The following BRINP2 variants were observed in gnomAD, a reference collection of about 807,000 sequenced individuals.
BRINP2 encodes BMP/retinoic acid inducible neural specific 2.
In BRINP2, 21 loss-of-function variants were observed where a neutral mutation model predicts 69.2. The ratio of observed to expected loss-of-function variants is 0.30; its 90% CI spans 0.22 to 0.44. The LOEUF (loss-of-function observed/expected upper bound fraction) is 0.44. Among genes scored for constraint, BRINP2 ranks in the 20% least tolerant of loss-of-function variants. The pLI is 1.00. For synonymous variants in BRINP2, 380 were observed against 394.1 expected, an observed-to-expected ratio of 0.96 and a Z score of 0.42; for missense variants, 877 against 986.0, an observed-to-expected ratio of 0.89 and a Z score of 1.48.
chr1:177,260,055 C>T (rs1221125603), intron 4 of BRINP2, among the ~76,000 whole-genome samples: 1 of 152,126 alleles, frequency 6.6e-6, no homozygotes, highest in Admixed American at 6.5e-5. Context: ...AATTGAAAAT[C>T]ATTTAGAAAT....
rs372582257 is a variant in BRINP2 at position 177,278,799 on chromosome 1, G to T, written c.1235+14G>T. ...GCCCAAGGAGAGGTGAGCACCCCCT[G>T]GCTGCTACAGCCAGAGCTCAGCACC... On this transcript the variant is annotated intron_variant, in intron 7 of 7. Transcript: ENST00000361539. The T allele has an allele frequency of 6.2e-7, 1 of 1,612,854 alleles. No homozygotes were observed. The highest frequency in any genetic ancestry group is 1.7e-5 in the Admixed American group (1 of 60,018).
At chr1:177,255,885 TCAGCTTTTCC>T in intron 2 of BRINP2, 24 bp from the exon 3 acceptor site, 1 of 1,601,500 alleles carries the variant, frequency 6.2e-7, no homozygotes, top group South Asian at 1.1e-5. Context: ...TGAAACGAGG[TCAGCTTTTCC>T]TTATCCCTTG....
intron 4 of BRINP2, among the ~76,000 whole-genome samples, chr1:177,266,402 G>T (rs1214926939): frequency 6.6e-6 from 1 of 151,894 alleles, no homozygotes; most frequent in African/African-American, 2.4e-5. Flanking sequence ...CTTGCTGTTT[G>T]CTTTACTTGT....
intron 1 of BRINP2, among the ~76,000 whole-genome samples, chr1:177,177,686 A>G (rs1169619929): frequency 6.6e-6 from 1 of 152,224 alleles, no homozygotes; most frequent in Non-Finnish European, 1.5e-5. Context: ...TTAACCACGT[A>G]AAAGGGGGAT....
intron 2 of BRINP2, among the ~76,000 whole-genome samples, chr1:177,255,363 G>A (rs552366831): frequency 3.9e-5 from 6 of 152,156 alleles, no homozygotes; most frequent in African/African-American, 1.4e-4. Flanking sequence ...TGATTTTCTC[G>A]GTTTTGATTT....
intron 4 of BRINP2, among the ~76,000 whole-genome samples, chr1:177,271,577 G>C (rs554276511): frequency 4.6e-5 from 7 of 152,316 alleles, no homozygotes; most frequent in Admixed American, 3.3e-4. Flanking sequence ...CCTCCTTGGA[G>C]AGTGATAGTA....
At chr1:177,196,294 G>A (rs562259268) in intron 1 of BRINP2, among the ~76,000 whole-genome samples, 33 of 152,258 alleles carry the variant, frequency 2.2e-4, no homozygotes, top group Admixed American at 7.2e-4. Flanking sequence ...GCACTGACTC[G>A]TTTAAGGAGG....
intron 1 of BRINP2, among the ~76,000 whole-genome samples, chr1:177,224,643 T>C (rs1320468161): frequency 6.6e-6 from 1 of 151,940 alleles, no homozygotes; most frequent in Non-Finnish European, 1.5e-5. Context: ...GAGGTATAAA[T>C]ACTATGGGAT....
At position 177,257,396 on chromosome 1, in the gene BRINP2, A is replaced by G. The variant is rs1650805014; in HGVS notation, c.669+12A>G. ...CGGGGGCCATCAAGGTAATGACCTG[A>G]GAGGTACAGGGAAGGGGATGGGGGA... On this transcript the variant is annotated intron_variant, in intron 4 of 7. Transcript: ENST00000361539. 3.8e-6 allele frequency: 6 copies of G among 1,598,702 alleles called. No individual in the cohort carries two copies. Among genetic ancestry groups the G allele is most frequent in the Non-Finnish European group, 5.1e-6 (6 of 1,170,462 alleles).
At position 177,273,505 on chromosome 1, in the gene BRINP2, C is replaced by T. The variant is rs376889585; in HGVS notation, c.687C>T (p.Thr229=). 15 of 1,610,860 alleles carry T rather than the reference C, an allele frequency of 9.3e-6. No individual in the cohort carries two copies. The highest frequency in any genetic ancestry group is 4.0e-5 in the African/African-American group (3 of 74,672). Residue 229 remains threonine, a synonymous_variant, in exon 5 of 8, where the codon ACC becomes ACT. Transcript: ENST00000361539. The stretch of plus-strand genomic sequence containing the variant: ...TTCTCTAGGTCACCGAGACCAGGAC[C>T]GGTCCTCTGGGCTGCAGCAACTATG... ...TGAIKVTETR[T]GPLGCSNYDN... is the part of the protein sequence containing the mutation.
intron 1 of BRINP2, among the ~76,000 whole-genome samples, chr1:177,193,094 A>G (rs1024876019): frequency 1.3e-5 from 2 of 152,220 alleles, no homozygotes; most frequent in Non-Finnish European, 2.9e-5. Context: ...TAAACTGCTT[A>G]TGGATCCAGT....
At chr1:177,250,717 C>G (rs1650553639) in intron 2 of BRINP2, among the ~76,000 whole-genome samples, 1 of 152,188 alleles carries the variant, frequency 6.6e-6, no homozygotes, top group Admixed American at 6.5e-5. Context: ...ACTATTGAAA[C>G]TCTCTCCCCA....
intron 4 of BRINP2, among the ~76,000 whole-genome samples, chr1:177,265,717 T>C (rs2102354027): frequency 6.6e-6 from 1 of 152,220 alleles, no homozygotes; most frequent in African/African-American, 2.4e-5. Flanking sequence ...CCATTGCTCA[T>C]GGTGGGGCTT....
At chr1:177,250,225 G>A (rs1650537345) in intron 2 of BRINP2, among the ~76,000 whole-genome samples, 1 of 152,168 alleles carries the variant, frequency 6.6e-6, no homozygotes, top group Non-Finnish European at 1.5e-5. Context: ...CTAATTCTGA[G>A]TTGATAGCCC....
chr1:177,272,282 G>A (rs1030060978), intron 4 of BRINP2, among the ~76,000 whole-genome samples: 5 of 152,174 alleles, frequency 3.3e-5, no homozygotes, highest in African/African-American at 1.2e-4. Context: ...ATGTCTATCA[G>A]TCAGCTGTGT....
intron 6 of BRINP2, 43 bp downstream of exon 6, chr1:177,276,477 G>A: frequency 6.4e-7 from 1 of 1,571,724 alleles, no homozygotes; most frequent in Non-Finnish European, 8.7e-7. Flanking sequence ...AGGTGGCTGT[G>A]AGGTACAGAG....
intron 4 of BRINP2, among the ~76,000 whole-genome samples, chr1:177,262,395 C>T (rs1650983879): frequency 6.6e-6 from 1 of 151,956 alleles, no homozygotes; most frequent in South Asian, 2.1e-4. Context: ...CCCTGTAGTC[C>T]CAGCTACTTG....
intron 4 of BRINP2, among the ~76,000 whole-genome samples, chr1:177,266,687 G>A (rs1481242623): frequency 2.0e-5 from 3 of 149,598 alleles, no homozygotes; most frequent in Admixed American, 1.3e-4. Flanking sequence ...ATGAACTGGC[G>A]AGGTGGAGCT....
chr1:177,193,713 G>A (rs112692688), intron 1 of BRINP2, among the ~76,000 whole-genome samples: 51 of 152,268 alleles, frequency 3.3e-4, no homozygotes, highest in East Asian at 1.4e-3. Flanking sequence ...GCCTTGTCCC[G>A]CACATGCCCT....
Sources: gnomAD v4.1 joint callset for allele counts (sites outside exome capture counted in the v4.1 genomes callset) on GRCh38, gnomAD v4.1.1 for gene constraint, MANE v1.5 for transcripts, NCBI Gene and HGNC (gene_info 2026-07-23, HGNC 2026-07-21) for gene names.